Variants in TUNAR observed in about 807,000 individuals in gnomAD.
TUNAR encodes the protein protein TUNAR.
rs895479950 is a variant in TUNAR at position 95,888,135 on chromosome 14, C to A, written c.12+10958C>A. 3.3e-5 allele frequency among the ~76,000 whole-genome samples: 5 copies of A among 152,180 alleles called. No homozygotes were observed. The East Asian group carries it at 7.7e-4, about 23-fold the overall frequency. The stretch of plus-strand genomic sequence containing the variant: ...TCTAATTCCCTGTGTGATTCTTGGA[C>A]AATTTGCTTCAGCCTTTATGAGTCC... On this transcript the variant is annotated intron_variant, in intron 2 of 2. Coordinates refer to ENST00000678517, the Ensembl canonical transcript of TUNAR.
intron 2 of TUNAR, among the ~76,000 whole-genome samples, chr14:95,889,709 C>T (rs1342406131): frequency 3.9e-5 from 6 of 152,124 alleles, no homozygotes; most frequent in African/African-American, 7.2e-5. Context: ...CCCACGGAGC[C>T]GTCACCCCTG....
chr14:95,882,178 C>T (rs913196886), intron 2 of TUNAR, among the ~76,000 whole-genome samples: 4 of 152,190 alleles, frequency 2.6e-5, no homozygotes, highest in Non-Finnish European at 2.9e-5. Context: ...TGCGTGTCCT[C>T]GGTGCGGCCC....
intron 2 of TUNAR, among the ~76,000 whole-genome samples, chr14:95,920,683 C>T (rs867232135): frequency 6.6e-6 from 1 of 152,104 alleles, no homozygotes; most frequent in Non-Finnish European, 1.5e-5. Context: ...CTGTAAGGTG[C>T]GAGCGACCCA....
intron 2 of TUNAR, among the ~76,000 whole-genome samples, chr14:95,892,584 C>G (rs1889200003): frequency 6.6e-6 from 1 of 152,208 alleles, no homozygotes; most frequent in Non-Finnish European, 1.5e-5. Context: ...TCGAGCTGGC[C>G]TGATTCTTTT....
exon 3 of TUNAR, chr14:95,923,028 G>T: frequency 5.0e-6 from 2 of 398,838 alleles, no homozygotes; most frequent in Non-Finnish European, 4.4e-6. Flanking sequence ...GCGTGTCGGC[G>T]CATCACTGAC....
intron 2 of TUNAR, among the ~76,000 whole-genome samples, chr14:95,892,460 C>T (rs914175446): frequency 1.3e-5 from 2 of 152,262 alleles, no homozygotes; most frequent in East Asian, 1.9e-4. Context: ...CTGGATGTGT[C>T]GCCTTCCTCA....
At position 95,890,348 on chromosome 14, in the gene TUNAR, A is replaced by G. The variant is rs118123004; in HGVS notation, c.12+13171A>G. Among the ~76,000 whole-genome samples the G allele has an allele frequency of 3.4e-3, 521 of 152,264 alleles. 22 individuals are homozygous for G. The East Asian group carries it at 0.08, about 23-fold the overall frequency. ...GTTTTTCTTCTCGTCCTCTGAGCATATGGCCAAACAATGGTCACCCCAGTA... is the reference window on the plus strand; with the variant it reads ...GTTTTTCTTCTCGTCCTCTGAGCATGTGGCCAAACAATGGTCACCCCAGTA... On this transcript the variant is annotated intron_variant, in intron 2 of 2. Coordinates refer to ENST00000678517, the Ensembl canonical transcript of TUNAR.
chr14:95,883,874 C>A (rs1889023344), intron 2 of TUNAR, among the ~76,000 whole-genome samples: 1 of 152,154 alleles, frequency 6.6e-6, no homozygotes, highest in African/African-American at 2.4e-5. Context: ...TGCAGACTTG[C>A]CAAATTAGAA....
Position 95,895,083 on chromosome 14 carries a change from ATGT to A in TUNAR, c.12+17910_12+17912del, listed in dbSNP as rs1283682291. Among the ~76,000 whole-genome samples the A allele has an allele frequency of 6.6e-6, 1 of 152,220 alleles. No homozygotes were observed. Among genetic ancestry groups the A allele is most frequent in the African/African-American group, 2.4e-5 (1 of 41,456 alleles). On this transcript the variant is annotated intron_variant, in intron 2 of 2. Transcript: ENST00000678517. This position sits in a 1 kb window ranked among gnomAD's most constrained non-coding sequence, Gnocchi z 4.5. Reference sequence around the variant, plus strand: ...CAGCATCTCCAGAGAATAGTGACAGATGTTGTCTGCCAGGTAAGTGCAGGAAGT... The same window carrying A: ...CAGCATCTCCAGAGAATAGTGACAGATGTCTGCCAGGTAAGTGCAGGAAGT...
Position 95,923,217 on chromosome 14 carries a change from G to T in TUNAR, c.*251G>T, listed in dbSNP as rs537887935. On this transcript the variant is annotated 3_prime_UTR_variant, in exon 3 of 3. Transcript: ENST00000678517. ...AGGAACTCAACGTCTTTGGCAGGGG[G>T]CCCAGAAGAATGCTTGGAAGACCAG... The T allele has an allele frequency of 3.9e-4, 130 of 337,546 alleles. 1 individual carries two copies. The highest frequency in any genetic ancestry group is 6.9e-5 in the Non-Finnish European group (13 of 187,556). 20.9% of individuals were successfully genotyped at this position (337,546 alleles called of 1,614,324 possible).
chr14:95,916,397 C>T (rs1346517744), intron 2 of TUNAR, among the ~76,000 whole-genome samples: 4 of 152,306 alleles, frequency 2.6e-5, no homozygotes, highest in South Asian at 2.1e-4. Flanking sequence ...TCTTTTGCAA[C>T]GCGCTTTTGC....
intron 2 of TUNAR, among the ~76,000 whole-genome samples, chr14:95,885,350 A>G (rs560651923): frequency 3.7e-4 from 56 of 152,318 alleles, no homozygotes; most frequent in African/African-American, 1.3e-3. Flanking sequence ...CCTGCCTTTT[A>G]TGGTTTCAGA....
chr14:95,912,134 A>C (rs1889524817), intron 2 of TUNAR, among the ~76,000 whole-genome samples: 1 of 152,170 alleles, frequency 6.6e-6, no homozygotes, highest in African/African-American at 2.4e-5. Flanking sequence ...TTATATATTG[A>C]TTGCTTTGAA....
At chr14:95,920,846 A>T (rs1889687323) in intron 2 of TUNAR, among the ~76,000 whole-genome samples, 1 of 152,318 alleles carries the variant, frequency 6.6e-6, no homozygotes, top group South Asian at 2.1e-4. Context: ...CAGAACTGGT[A>T]AGATATATAT....
At chr14:95,901,420 G>C (rs901899195) in intron 2 of TUNAR, among the ~76,000 whole-genome samples, 1 of 152,220 alleles carries the variant, frequency 6.6e-6, no homozygotes, top group African/African-American at 2.4e-5. Flanking sequence ...TAAGCATTTT[G>C]TGAGCCTCTC....
At position 95,915,271 on chromosome 14, in the gene TUNAR, C is replaced by T. The variant is rs181944839; in HGVS notation, c.13-7510C>T. 2.6e-5 allele frequency among the ~76,000 whole-genome samples: 4 copies of T among 152,156 alleles called. No individual in the cohort carries two copies. The East Asian group carries it at 7.7e-4, about 29-fold the overall frequency. On this transcript the variant is annotated intron_variant, in intron 2 of 2. Coordinates refer to ENST00000678517, the Ensembl canonical transcript of TUNAR. The stretch of plus-strand genomic sequence containing the variant: ...CCTTAAGCAAAAACACTGTTTTTTG[C>T]AGGGATATGGGGTAGTTCATGGGAT...
At chr14:95,894,899 T>A (rs549433003) in intron 2 of TUNAR, among the ~76,000 whole-genome samples, 1 of 152,308 alleles carries the variant, frequency 6.6e-6, no homozygotes, top group East Asian at 1.9e-4. Flanking sequence ...ACAGGTGGCT[T>A]CCTCTTGGAG....
intron 2 of TUNAR, among the ~76,000 whole-genome samples, chr14:95,908,626 T>C (rs1414260961): frequency 6.6e-6 from 1 of 152,200 alleles, no homozygotes; most frequent in Non-Finnish European, 1.5e-5. Flanking sequence ...GTTAAGAGAT[T>C]TTCCCTTGGT....
At chr14:95,914,011 G>A (rs958913736) in intron 2 of TUNAR, among the ~76,000 whole-genome samples, 3 of 152,224 alleles carry the variant, frequency 2.0e-5, no homozygotes, top group Non-Finnish European at 2.9e-5. Flanking sequence ...GATTACTGGC[G>A]TGAGCCACCG....
Sources: gnomAD v4.1 joint callset for allele counts (sites outside exome capture counted in the v4.1 genomes callset) on GRCh38, gnomAD v4.1.1 for gene constraint, Gnocchi (gnomAD v3.1) non-coding constraint, MANE v1.5 for transcripts, NCBI Gene and HGNC (gene_info 2026-07-23, HGNC 2026-07-21) for gene names.